THSD4: variants seen among roughly 807,000 people sequenced by gnomAD.
THSD4 encodes the protein thrombospondin type 1 domain containing 4, also known as thrombospondin type-1 domain-containing protein 4.
Under a neutral mutation model 119.0 loss-of-function variants are expected in THSD4, and 69 were observed. The observed-to-expected ratio is 0.58, with a 90% CI of 0.48 to 0.71. THSD4 has a LOEUF of 0.71. Ranked by LOEUF, THSD4 falls within the 30% of genes least tolerant of loss-of-function variation. The pLI is 0.00. For missense variants in THSD4, 1,393 were observed against 1,391.1 expected (o/e 1.00, Z -0.02); for synonymous variants, 524 against 540.4 (o/e 0.97, Z 0.42).
chr15:71,468,107 C>G (rs1335457244), intron 7 of THSD4, among the ~76,000 whole-genome samples: 1 of 152,184 alleles, frequency 6.6e-6, no homozygotes, highest in Non-Finnish European at 1.5e-5. Context: ...CCTCAGCCTC[C>G]CAAAATGCTG....
At chr15:71,313,163 A>C (rs989465860) in intron 6 of THSD4, among the ~76,000 whole-genome samples, 1 of 152,166 alleles carries the variant, frequency 6.6e-6, no homozygotes, top group Non-Finnish European at 1.5e-5. Context: ...TATTTATTTT[A>C]TACTTTGGGC....
chr15:71,167,508 A>G (rs1166529747), intron 3 of THSD4, among the ~76,000 whole-genome samples: 1 of 152,142 alleles, frequency 6.6e-6, no homozygotes, highest in African/African-American at 2.4e-5. Flanking sequence ...GAAGTGGGAA[A>G]TTTTCTGCTC....
intron 3 of THSD4, among the ~76,000 whole-genome samples, chr15:71,194,338 A>T (rs1355003551): frequency 6.6e-6 from 1 of 152,170 alleles, no homozygotes; most frequent in Non-Finnish European, 1.5e-5. Context: ...CTTGCCACTG[A>T]GTAGAAGTTG....
At chr15:71,491,969 T>G (rs894409124) in intron 7 of THSD4, among the ~76,000 whole-genome samples, 2 of 152,242 alleles carry the variant, frequency 1.3e-5, no homozygotes, top group African/African-American at 4.8e-5. Context: ...GACAGTATCT[T>G]ATTTTTGCTT....
chr15:71,704,118 G>A (rs2052348884), intron 8 of THSD4, among the ~76,000 whole-genome samples: 1 of 152,182 alleles, frequency 6.6e-6, no homozygotes, highest in Non-Finnish European at 1.5e-5. Flanking sequence ...AAAGTGCTGG[G>A]ATTACAGGTG....
At chr15:71,520,727 G>A (rs2048427632) in intron 7 of THSD4, among the ~76,000 whole-genome samples, 1 of 151,272 alleles carries the variant, frequency 6.6e-6, no homozygotes, top group Non-Finnish European at 1.5e-5. Context: ...TACTATTCTT[G>A]CTCCCCTTTT....
intron 8 of THSD4, among the ~76,000 whole-genome samples, chr15:71,679,301 G>C (rs2051720233): frequency 6.6e-6 from 1 of 152,196 alleles, no homozygotes; most frequent in African/African-American, 2.4e-5. Flanking sequence ...TAGAGCAGGG[G>C]CTGGCAACCT....
intron 6 of THSD4, among the ~76,000 whole-genome samples, chr15:71,372,319 C>A (rs533870384): frequency 6.6e-6 from 1 of 152,212 alleles, no homozygotes; most frequent in African/African-American, 2.4e-5. Flanking sequence ...CCGTTGCTGG[C>A]GAGGAGCTGC....
At chr15:71,104,706 C>T (rs2040267062) in intron 1 of THSD4, among the ~76,000 whole-genome samples, 1 of 152,088 alleles carries the variant, frequency 6.6e-6, no homozygotes, top group Admixed American at 6.6e-5. Flanking sequence ...TACACTGGTT[C>T]GGCCCGAAAA....
At chr15:71,337,365 A>T (rs2045501893) in intron 6 of THSD4, among the ~76,000 whole-genome samples, 1 of 152,184 alleles carries the variant, frequency 6.6e-6, no homozygotes, top group Admixed American at 6.5e-5. Context: ...AAGTGGGCAG[A>T]GCCTGAGGCA....
At chr15:71,370,078 T>C (rs1023252408) in intron 6 of THSD4, among the ~76,000 whole-genome samples, 16 of 152,176 alleles carry the variant, frequency 1.1e-4, no homozygotes, top group African/African-American at 2.9e-4. Flanking sequence ...TAGAGGTGTT[T>C]ATAGTGTTCT....
chr15:71,532,079 GGAGT>G (rs1485320559), intron 7 of THSD4, among the ~76,000 whole-genome samples: 1 of 137,826 alleles, frequency 7.3e-6, no homozygotes, highest in African/African-American at 2.6e-5. Flanking sequence ...GCCATGCTGA[GGAGT>G]AAGTAAGGTT....
intron 6 of THSD4, among the ~76,000 whole-genome samples, chr15:71,391,692 A>T (rs1220184327): frequency 6.6e-6 from 1 of 152,164 alleles, no homozygotes; most frequent in Non-Finnish European, 1.5e-5. Flanking sequence ...TATGCTTGTT[A>T]GTGGGAACTT....
At chr15:71,422,837 G>T (rs1372371784) in intron 7 of THSD4, among the ~76,000 whole-genome samples, 1 of 152,188 alleles carries the variant, frequency 6.6e-6, no homozygotes, top group Non-Finnish European at 1.5e-5. Context: ...AGGGCCTGGA[G>T]TCAGAAACCT....
At chr15:71,253,081 C>CACCTTGTT (rs1567170450) in intron 5 of THSD4, among the ~76,000 whole-genome samples, 1 of 152,226 alleles carries the variant, frequency 6.6e-6, no homozygotes, top group Non-Finnish European at 1.5e-5. Context: ...TCCACCAGGA[C>CACCTTGTT]ACCTTGTTAC....
At chr15:71,534,382 C>T (rs1244449374) in intron 7 of THSD4, among the ~76,000 whole-genome samples, 2 of 152,148 alleles carry the variant, frequency 1.3e-5, no homozygotes, top group East Asian at 1.9e-4. Context: ...AACGTAGCAA[C>T]GTGTTATTTG....
intron 6 of THSD4, among the ~76,000 whole-genome samples, chr15:71,346,222 C>G (rs954845336): frequency 7.2e-5 from 11 of 152,302 alleles, no homozygotes; most frequent in African/African-American, 2.2e-4. Context: ...TATTAGGTAG[C>G]ATGGCCCTCA....
intron 7 of THSD4, among the ~76,000 whole-genome samples, chr15:71,600,340 A>C (rs180784253): frequency 6.6e-6 from 1 of 152,266 alleles, no homozygotes; most frequent in East Asian, 1.9e-4. Flanking sequence ...CCCCTTCTGA[A>C]TTCCCGTAGG....
intron 6 of THSD4, among the ~76,000 whole-genome samples, chr15:71,394,946 A>G (rs2046428299): frequency 6.6e-6 from 1 of 152,338 alleles, no homozygotes; most frequent in Non-Finnish European, 1.5e-5. Flanking sequence ...CAGGAGTCGT[A>G]GGTCTGGAGC....
Sources: allele counts gnomAD v4.1 joint callset (sites outside exome capture counted in the v4.1 genomes callset), GRCh38; gene constraint gnomAD v4.1.1; transcripts MANE v1.5; gene names NCBI Gene and HGNC (gene_info 2026-07-23, HGNC 2026-07-21).